MCTP1: variants seen among roughly 807,000 people sequenced by gnomAD.
The protein encoded by MCTP1 is multiple C2 and transmembrane domain-containing protein 1.
A neutral mutation model predicts 120.6 loss-of-function variants in MCTP1; 69 were observed. That is an observed-to-expected ratio of 0.57 (90% CI 0.47 to 0.70). The LOEUF (loss-of-function observed/expected upper bound fraction) is 0.70, where lower values mean the gene tolerates loss of function less well. Ranked by LOEUF, MCTP1 falls within the 30% of genes least tolerant of loss-of-function variation. The pLI, the probability that MCTP1 is intolerant of heterozygous loss-of-function variation, is 0.00. For synonymous variants in MCTP1, 529 were observed against 493.1 expected (o/e 1.07, Z -0.96); for missense variants, 1,203 against 1,248.8 (o/e 0.96, Z 0.55).
chr5:95,270,028 G>T lies in MCTP1; in HGVS notation c.720+13828C>A, dbSNP rs140218194. On this transcript the variant is annotated intron_variant, in intron 1 of 22. Transcript: ENST00000515393. The stretch of plus-strand genomic sequence containing the variant: ...ATGACAGAAATAAGATGAGGCTATA[G>T]AATATAGAAAATGAAAAATTATAGG... Among the ~76,000 whole-genome samples, 1,102 of 152,246 alleles carry T rather than the reference G, an allele frequency of 7.2e-3. 12 individuals carry two copies. The highest frequency in any genetic ancestry group is 0.03 in the South Asian group (147 of 4,828).
chr5:95,125,912 A>T (rs562455302), intron 1 of MCTP1, among the ~76,000 whole-genome samples: 9 of 152,336 alleles, frequency 5.9e-5, no homozygotes, highest in Middle Eastern at 3.4e-3. Context: ...ACCTTCTTCA[A>T]CTTCTCTTCA....
chr5:95,181,580 C>A (rs1748604937), intron 1 of MCTP1, among the ~76,000 whole-genome samples: 1 of 151,966 alleles, frequency 6.6e-6, no homozygotes, highest in African/African-American at 2.4e-5. Context: ...ATTATAAGTA[C>A]ACACACACAT....
chr5:94,882,925 T>C (rs1425871707), intron 12 of MCTP1, among the ~76,000 whole-genome samples: 1 of 152,204 alleles, frequency 6.6e-6, no homozygotes, highest in African/African-American at 2.4e-5. Context: ...GATTCAGGCC[T>C]CATCAGCCCT....
intron 1 of MCTP1, chr5:95,038,069 G>C (rs1028690459): frequency 1.0e-6 from 1 of 952,874 alleles, no homozygotes; most frequent in Non-Finnish European, 1.2e-6. Flanking sequence ...CAAAACTCAC[G>C]TGTATTTTAT....
At chr5:94,744,029 G>A (rs1462449005) in intron 19 of MCTP1, among the ~76,000 whole-genome samples, 1 of 152,042 alleles carries the variant, frequency 6.6e-6, no homozygotes, top group African/African-American at 2.4e-5. Flanking sequence ...GGAGTGCAGT[G>A]GCACCATCAC....
rs1335825011 is a variant in MCTP1 at position 95,010,839 on chromosome 5, C to G, written c.838+6528G>C. ...GCACACACACAGTGAGACCCAGACT[C>G]AAAATTGTGGAGGCACAGGGAATGG... On this transcript the variant is annotated intron_variant, in intron 2 of 22. Transcript: ENST00000515393. 4.6e-5 allele frequency among the ~76,000 whole-genome samples: 7 copies of G among 152,164 alleles called. No homozygotes were observed. In the South Asian group the frequency reaches 1.5e-3, roughly 32 times the overall value.
At chr5:95,251,116 A>G (rs1757341603) in intron 1 of MCTP1, among the ~76,000 whole-genome samples, 1 of 152,152 alleles carries the variant, frequency 6.6e-6, no homozygotes, top group Non-Finnish European at 1.5e-5. Flanking sequence ...AGTGCTATAA[A>G]ACAGCAGAAG....
At chr5:94,928,715 T>C (rs1447860355) in intron 6 of MCTP1, among the ~76,000 whole-genome samples, 1 of 152,206 alleles carries the variant, frequency 6.6e-6, no homozygotes, top group Non-Finnish European at 1.5e-5. Flanking sequence ...TATACCTATA[T>C]ACTTGTTTAT....
At chr5:94,878,173 A>G (rs1310034711) in intron 12 of MCTP1, among the ~76,000 whole-genome samples, 1 of 152,180 alleles carries the variant, frequency 6.6e-6, no homozygotes, top group Admixed American at 6.6e-5. Context: ...TGGAATTTCA[A>G]TCATAACATA....
At chr5:94,980,667 C>T (rs1192615767) in intron 2 of MCTP1, among the ~76,000 whole-genome samples, 1 of 151,726 alleles carries the variant, frequency 6.6e-6, no homozygotes, top group Non-Finnish European at 1.5e-5. Flanking sequence ...ATGTGTAGTC[C>T]TAAAGACATT....
intron 1 of MCTP1, among the ~76,000 whole-genome samples, chr5:95,141,251 C>A (rs331555): frequency 0.3 from 45,875 of 152,028 alleles, 7,352 homozygotes; most frequent in East Asian, 0.6. Flanking sequence ...AAAAGTTAAC[C>A]TTTGCTTTAG....
intron 1 of MCTP1, among the ~76,000 whole-genome samples, chr5:95,232,041 C>T (rs1755008043): frequency 6.6e-6 from 1 of 151,578 alleles, no homozygotes; most frequent in Non-Finnish European, 1.5e-5. Flanking sequence ...CCAGACTCTA[C>T]TCACTAGATG....
chr5:95,087,241 T>C (rs1282042844), intron 1 of MCTP1, among the ~76,000 whole-genome samples: 2 of 152,132 alleles, frequency 1.3e-5, no homozygotes, highest in Admixed American at 6.5e-5. Flanking sequence ...GACAGTAAAT[T>C]TGAAAATGAG....
chr5:95,021,331 T>G (rs1488747845), intron 1 of MCTP1, among the ~76,000 whole-genome samples: 2 of 152,070 alleles, frequency 1.3e-5, no homozygotes, highest in Admixed American at 1.3e-4. Flanking sequence ...TCAATAAATG[T>G]TAGCTATTGT....
intron 1 of MCTP1, among the ~76,000 whole-genome samples, chr5:95,142,099 A>G (rs1759979296): frequency 6.6e-6 from 1 of 152,198 alleles, no homozygotes; most frequent in African/African-American, 2.4e-5. Context: ...TTGACATAAG[A>G]ATTTTCCCCA....
chr5:94,831,095 T>A lies in MCTP1; in HGVS notation c.2437-31963A>T, dbSNP rs185320156. 3.9e-5 allele frequency among the ~76,000 whole-genome samples: 6 copies of A among 152,306 alleles called. No individual in the cohort carries two copies. The East Asian group carries it at 1.2e-3, about 29-fold the overall frequency. ...AGAAGACATGATGCTATAGACGTCT[T>A]TAAAGTGTAGGCTACTGAAGTGCAG... is the stretch of plus-strand genomic sequence containing the variant. On this transcript the variant is annotated intron_variant, in intron 17 of 22. Coordinates refer to ENST00000515393, the MANE Select transcript of MCTP1 (RefSeq NM_024717.7).
intron 3 of MCTP1, among the ~76,000 whole-genome samples, chr5:94,944,525 G>A (rs933350883): frequency 6.6e-5 from 10 of 152,118 alleles, no homozygotes; most frequent in Non-Finnish European, 1.5e-4. Flanking sequence ...GGAGAAAATA[G>A]GTGGCATATA....
Position 94,794,328 on chromosome 5 carries a change from C to T in MCTP1, c.2556+4685G>A, listed in dbSNP as rs369144146. 2.0e-4 allele frequency among the ~76,000 whole-genome samples: 30 copies of T among 152,330 alleles called. No homozygotes were observed. In the South Asian group the frequency reaches 6.2e-3, roughly 32 times the overall value. ...AGAAGTCAGCTTTGATGGACTCTTC[C>T]CATGCTCACCTTGGTGAATGGAAGG... On this transcript the variant is annotated intron_variant, in intron 18 of 22. Coordinates refer to ENST00000515393, the MANE Select transcript of MCTP1 (RefSeq NM_024717.7).
chr5:94,732,293 G>A (rs1763271430), intron 19 of MCTP1, among the ~76,000 whole-genome samples: 1 of 151,922 alleles, frequency 6.6e-6, no homozygotes. Flanking sequence ...ACACAACTTC[G>A]TAAACTTTTC....
Sources: gnomAD v4.1 joint callset for allele counts (sites outside exome capture counted in the v4.1 genomes callset) on GRCh38, gnomAD v4.1.1 for gene constraint, MANE v1.5 for transcripts, NCBI Gene and HGNC (gene_info 2026-07-23, HGNC 2026-07-21) for gene names.